The following C12orf42 variants were observed in gnomAD, a reference collection of about 807,000 sequenced individuals.
C12orf42 encodes the protein uncharacterized protein C12orf42.
C12orf42 carries 25 observed loss-of-function variants against 21.6 expected under a neutral mutation model. That is an observed-to-expected ratio of 1.16 (90% CI 0.84 to 1.62). The LOEUF (loss-of-function observed/expected upper bound fraction) is 1.62, where lower values mean the gene tolerates loss of function less well. Among genes scored for constraint, C12orf42 ranks in the 40% most tolerant of loss-of-function variants. The pLI is 0.00. For missense variants in C12orf42, 483 were observed against 459.3 expected, an observed-to-expected ratio of 1.05 and a Z score of -0.47; for synonymous variants, 174 against 175.0, an observed-to-expected ratio of 0.99 and a Z score of 0.05.
At chr12:103,553,211 C>G in the C12orf42 span, among the ~76,000 whole-genome samples, 1 of 152,162 alleles carries the variant, frequency 6.6e-6, no homozygotes, top group African/African-American at 2.4e-5. Context: ...CCAAAAGTCT[C>G]CAGACATTGC....
chr12:103,234,684 T>C (rs928860128), downstream of C12orf42, among the ~76,000 whole-genome samples: 1 of 152,174 alleles, frequency 6.6e-6, no homozygotes, highest in African/African-American at 2.4e-5. Flanking sequence ...CTTGCCTTTG[T>C]TCCTTCAGTT....
At chr12:103,163,828 T>C in the C12orf42 span, among the ~76,000 whole-genome samples, 1 of 152,162 alleles carries the variant, frequency 6.6e-6, no homozygotes, top group Admixed American at 6.5e-5. Context: ...ATAGTTAAAG[T>C]GCCTACTTCA....
intron 3 of C12orf42, chr12:103,396,755 G>A (rs1431551059): frequency 6.6e-6 from 1 of 152,278 alleles, no homozygotes; most frequent in Non-Finnish European, 1.5e-5. Flanking sequence ...GGACCTAGGA[G>A]GGAAGTGTGC....
rs561558060 is a variant in C12orf42 at position 103,250,967 on chromosome 12, C to A, written c.*1366+12359G>T. ...TCAAACATTACTCAAATCCATATTT[C>A]AAATTCAGACCCCTCTTTGGTAATC... is the stretch of plus-strand genomic sequence containing the variant. On this transcript the variant is annotated intron_variant and NMD_transcript_variant, in intron 10 of 10. Coordinates refer to the C12orf42 transcript ENST00000547347. 1.1e-4 allele frequency among the ~76,000 whole-genome samples: 16 copies of A among 152,156 alleles called. No homozygotes were observed. In the East Asian group the frequency reaches 3.1e-3, roughly 29 times the overall value.
intron 2 of C12orf42, among the ~76,000 whole-genome samples, chr12:103,412,937 T>C (rs576182281): frequency 1.3e-5 from 2 of 152,360 alleles, no homozygotes; most frequent in East Asian, 3.9e-4. Flanking sequence ...TAGTTTCTTT[T>C]GCTGTGCATA....
chr12:103,346,888 A>G (rs76888530), intron 4 of C12orf42, among the ~76,000 whole-genome samples: 4,626 of 152,234 alleles, frequency 0.03, 209 homozygotes, highest in African/African-American at 0.1. Context: ...ACTATCAAAA[A>G]TGCATTCTTG....
chr12:103,167,922 G>GTGTC, the C12orf42 span: 1 of 250,742 alleles, frequency 4.0e-6, no homozygotes, highest in South Asian at 4.0e-5. Flanking sequence ...GTTTGTGTCT[G>GTGTC]TGTGTGTGTG....
the C12orf42 span, among the ~76,000 whole-genome samples, chr12:103,053,015 C>T: frequency 1.3e-5 from 2 of 151,810 alleles, no homozygotes; most frequent in Non-Finnish European, 2.9e-5. Context: ...ACTTATTTGC[C>T]GATGCCACAA....
intron 5 of C12orf42, among the ~76,000 whole-genome samples, chr12:103,273,220 C>A (rs770805202): frequency 6.6e-6 from 1 of 152,126 alleles, no homozygotes; most frequent in Non-Finnish European, 1.5e-5. Context: ...TAGGTGACCA[C>A]TGGGAGGCCT....
the C12orf42 span, among the ~76,000 whole-genome samples, chr12:103,216,925 C>T: frequency 1.3e-5 from 2 of 152,088 alleles, no homozygotes; most frequent in East Asian, 1.9e-4. Flanking sequence ...TCACTGTAAC[C>T]TCTGCCTCCC....
chr12:103,180,036 T>A, the C12orf42 span, among the ~76,000 whole-genome samples: 1 of 151,594 alleles, frequency 6.6e-6, no homozygotes, highest in African/African-American at 2.4e-5. Context: ...CCTGGGACAG[T>A]GGGACAGAGT....
chr12:103,461,582 G>C (rs1952703152), intron 2 of C12orf42, among the ~76,000 whole-genome samples: 1 of 152,210 alleles, frequency 6.6e-6, no homozygotes, highest in African/African-American at 2.4e-5. Flanking sequence ...AACTGGAACA[G>C]AGGTGGCAGA....
At chr12:103,334,780 T>C (rs1213599194) in intron 4 of C12orf42, among the ~76,000 whole-genome samples, 1 of 152,196 alleles carries the variant, frequency 6.6e-6, no homozygotes, top group Non-Finnish European at 1.5e-5. Context: ...CTTCAGCAAT[T>C]GTTGCTGCGC....
chr12:103,398,339 TC>T (rs1486354542), intron 3 of C12orf42, among the ~76,000 whole-genome samples: 1 of 152,208 alleles, frequency 6.6e-6, no homozygotes, highest in Non-Finnish European at 1.5e-5. Context: ...TCAATTCATA[TC>T]CTTTGCTCAT....
Position 103,324,188 on chromosome 12 carries a change from T to A in C12orf42, c.260-17843A>T, listed in dbSNP as rs78459507. ...TATCATTTTTAGATTTATGTTTTAATCATAAGCACTTACAATATTATTATG... is the reference window on the plus strand; with the variant it reads ...TATCATTTTTAGATTTATGTTTTAAACATAAGCACTTACAATATTATTATG... On this transcript the variant is annotated intron_variant, in intron 4 of 5. Transcript: ENST00000548883. Among the ~76,000 whole-genome samples, 1,481 of 151,502 alleles carry A rather than the reference T, an allele frequency of 9.8e-3. 27 individuals carry two copies. Among genetic ancestry groups the A allele is most frequent in the African/African-American group, 0.03 (1,259 of 41,448 alleles).
chr12:103,345,434 CATT>C (rs537997462), intron 4 of C12orf42, among the ~76,000 whole-genome samples: 272 of 152,254 alleles, frequency 1.8e-3, no homozygotes, highest in African/African-American at 6.1e-3. Flanking sequence ...ATGTGCTCAT[CATT>C]ATTATCATTA....
chr12:103,297,120 T>G (rs1002263648), downstream of C12orf42, among the ~76,000 whole-genome samples: 1 of 152,182 alleles, frequency 6.6e-6, no homozygotes, highest in Non-Finnish European at 1.5e-5. Context: ...ATAGGGAATC[T>G]TTTCCCCATT....
At chr12:103,367,606 T>C (rs2044726518) in intron 4 of C12orf42, among the ~76,000 whole-genome samples, 1 of 151,958 alleles carries the variant, frequency 6.6e-6, no homozygotes, top group African/African-American at 2.4e-5. Flanking sequence ...ATAAACACAC[T>C]TTTTTGCTTA....
chr12:103,342,110 A>G (rs2042219494), intron 4 of C12orf42, among the ~76,000 whole-genome samples: 1 of 152,204 alleles, frequency 6.6e-6, no homozygotes, highest in East Asian at 1.9e-4. Context: ...ACCAGTTTGC[A>G]GGCACATCTG....
Sources: allele counts gnomAD v4.1 joint callset (sites outside exome capture counted in the v4.1 genomes callset), GRCh38; gene constraint gnomAD v4.1.1; transcripts MANE v1.5; gene names NCBI Gene and HGNC (gene_info 2026-07-23, HGNC 2026-07-21).